The following ZDHHC1 variants were observed in gnomAD, a reference collection of about 807,000 sequenced individuals.
The protein encoded by ZDHHC1 is zDHHC palmitoyltransferase 1.
In ZDHHC1, 45 loss-of-function variants were observed where a neutral mutation model predicts 46.9. The ratio of observed to expected loss-of-function variants is 0.96; its 90% CI spans 0.76 to 1.23. ZDHHC1 has a LOEUF of 1.23. Ranked by LOEUF, ZDHHC1 falls within the 50% of genes most tolerant of loss-of-function variation. ZDHHC1 has a pLI of 0.00. For synonymous variants in ZDHHC1, 291 were observed against 286.0 expected (o/e 1.02, Z -0.18); for missense variants, 649 against 670.8 (o/e 0.97, Z 0.36).
At chr16:67,414,106 T>A (rs1459882687) in intron 1 of ZDHHC1, among the ~76,000 whole-genome samples, 1 of 151,920 alleles carries the variant, frequency 6.6e-6, no homozygotes, top group East Asian at 1.9e-4. Flanking sequence ...AGGGGACAAG[T>A]AGGAGGGAGT....
intron 3 of ZDHHC1, among the ~76,000 whole-genome samples, chr16:67,405,315 C>G (rs994478303): frequency 3.3e-5 from 5 of 152,212 alleles, no homozygotes; most frequent in Non-Finnish European, 7.3e-5. Context: ...GAGGCAAAGA[C>G]CCACAGAGCT....
chr16:67,400,563 C>A (rs1353081994), intron 4 of ZDHHC1, among the ~76,000 whole-genome samples: 1 of 152,228 alleles, frequency 6.6e-6, no homozygotes, highest in Non-Finnish European at 1.5e-5. Flanking sequence ...GCGCTGGGCT[C>A]TTCCTCCTCC....
intron 7 of ZDHHC1, 95 bp from the exon 8 acceptor site, chr16:67,398,419 TC>T: frequency 3.9e-6 from 6 of 1,521,482 alleles, no homozygotes; most frequent in South Asian, 1.2e-5. Context: ...GAAACCAGTG[TC>T]CCCAAATACA....
At chr16:67,403,185 C>G (rs1366293082) in intron 3 of ZDHHC1, among the ~76,000 whole-genome samples, 2 of 152,140 alleles carry the variant, frequency 1.3e-5, no homozygotes, top group Non-Finnish European at 2.9e-5. Context: ...AAGTGTGCCT[C>G]CAGCTCACGG....
chr16:67,409,071 G>A (rs766065351), intron 1 of ZDHHC1, among the ~76,000 whole-genome samples: 9 of 152,122 alleles, frequency 5.9e-5, no homozygotes, highest in Non-Finnish European at 1.0e-4. Flanking sequence ...CAAAACAGAC[G>A]CATGCAGCTG....
At chr16:67,395,902 T>G in intron 8 of ZDHHC1, 1 of 301,598 alleles carries the variant, frequency 3.3e-6, no homozygotes, top group Admixed American at 4.6e-5. Context: ...GCTCCTGGTG[T>G]CCCCAGGGAT....
At chr16:67,398,147 G>T in intron 8 of ZDHHC1, 65 bp downstream of exon 8, 3 of 1,516,764 alleles carry the variant, frequency 2.0e-6, no homozygotes, top group Non-Finnish European at 1.8e-6. Context: ...CTCCTCACTG[G>T]CTGCTCGCTG....
chr16:67,396,152 T>C (rs897997337), intron 8 of ZDHHC1: 1 of 153,826 alleles, frequency 6.5e-6, no homozygotes, highest in Non-Finnish European at 1.4e-5. Flanking sequence ...AGCACCAGGC[T>C]TATGGGCAAG....
intron 1 of ZDHHC1, among the ~76,000 whole-genome samples, chr16:67,412,950 G>A (rs572425082): frequency 7.2e-5 from 11 of 151,910 alleles, no homozygotes; most frequent in Admixed American, 3.9e-4. Context: ...ACAGGTGCCC[G>A]CCGCCACGCC....
At chr16:67,403,618 T>G (rs2040595222) in intron 3 of ZDHHC1, among the ~76,000 whole-genome samples, 1 of 151,572 alleles carries the variant, frequency 6.6e-6, no homozygotes, top group Non-Finnish European at 1.5e-5. Context: ...GTTTTTTGTT[T>G]TTTTTTTTTG....
At chr16:67,411,161 G>C (rs922189759) in intron 1 of ZDHHC1, among the ~76,000 whole-genome samples, 5 of 152,148 alleles carry the variant, frequency 3.3e-5, no homozygotes, top group African/African-American at 1.2e-4. Flanking sequence ...CCACACCAAG[G>C]TGAAAAGTAC....
chr16:67,398,144 C>T (rs950447604), intron 8 of ZDHHC1, 68 bp downstream of exon 8: 2 of 1,502,934 alleles, frequency 1.3e-6, no homozygotes, highest in Non-Finnish European at 1.8e-6. Flanking sequence ...TGTCTCCTCA[C>T]TGGCTGCTCG....
Position 67,398,685 on chromosome 16 carries a change from G to T in ZDHHC1, c.702C>A (p.Ala234=), listed in dbSNP as rs781241770. 1.1e-5 allele frequency: 17 copies of T among 1,608,682 alleles called. No individual in the cohort carries two copies. In the East Asian group the frequency reaches 3.4e-4, roughly 32 times the overall value. ...TDVWFVFLPA[A]PVETQAPAIL... is the part of the protein sequence containing the mutation. ...TGGCAGGGGCCTGGGTCTCCACGGG[G>T]GCGGCAGGCAGGAACACGAACCACA... is the stretch of plus-strand genomic sequence containing the variant. The change falls in exon 7 of 12, where the codon GCC becomes GCA. Residue 234 remains alanine, a synonymous_variant. Transcript: ENST00000565726.
Position 67,406,977 on chromosome 16 carries a change from G to A in ZDHHC1, c.10-535C>T, listed in dbSNP as rs2040673282. Among the ~76,000 whole-genome samples, 1 of 152,208 alleles carries A rather than the reference G, an allele frequency of 6.6e-6. No individual in the cohort carries two copies. Among genetic ancestry groups the A allele is most frequent in the South Asian group, 2.1e-4 (1 of 4,834 alleles). On this transcript the variant is annotated intron_variant, in intron 2 of 11. Transcript: ENST00000565726. This position sits in a 1 kb window ranked among gnomAD's most constrained non-coding sequence, Gnocchi z 4.1. ...AGAAAATCCCTTTAGGACTGGGGGAGTCTGAAGCTCTGCCCCATGCTGCCT... is the reference window on the plus strand; with the variant it reads ...AGAAAATCCCTTTAGGACTGGGGGAATCTGAAGCTCTGCCCCATGCTGCCT...
intron 4 of ZDHHC1, among the ~76,000 whole-genome samples, 172 bp from the exon 5 acceptor site, chr16:67,399,628 C>T (rs1483733004): frequency 6.6e-6 from 1 of 152,172 alleles, no homozygotes; most frequent in Non-Finnish European, 1.5e-5. Context: ...CGGGGTGGGT[C>T]CCCTGGAGGA....
chr16:67,394,931 G>A (rs1354609692), intron 11 of ZDHHC1, 38 bp from the exon 12 acceptor site: 2 of 1,556,584 alleles, frequency 1.3e-6, no homozygotes, highest in Non-Finnish European at 1.7e-6. Context: ...AGTGGCTGCG[G>A]CTCGCTTGTG....
At position 67,398,336 on chromosome 16, in the gene ZDHHC1, A is replaced by G; in HGVS notation, c.815-12T>C. The G allele has an allele frequency of 1.2e-6, 2 of 1,610,546 alleles. No individual in the cohort carries two copies. The highest frequency in any genetic ancestry group is 1.7e-6 in the Non-Finnish European group (2 of 1,178,248). On this transcript the variant is annotated splice_polypyrimidine_tract_variant and intron_variant, in intron 7 of 11. Coordinates refer to ENST00000565726, the MANE Select transcript of ZDHHC1 (RefSeq NM_001323627.2). ...GAGCTTGTGCCACACTGGTGGGGGG[A>G]GGAGAGGGCTCAGTGCGGTGGAAGG... is the stretch of plus-strand genomic sequence containing the variant.
Position 67,395,044 on chromosome 16 carries a change from C to G in ZDHHC1, c.1123G>C (p.Val375Leu). ...IRPQKKRKRR[V>L]YKVRTSETSD... ...GTCTCAGACGTTCGCACTTTATACA[C>G]GCGCCTCTTCCTCTTTTTCTGCAGA... The change falls in exon 11 of 12, where the codon GTG (valine) becomes CTG (leucine). Residue 375 changes from valine (V) to leucine (L), a missense_variant. Physicochemically the swap from Val to Leu is conservative, Grantham distance 32. Transcript: ENST00000565726. 1 of 1,613,096 alleles carries G rather than the reference C, an allele frequency of 6.2e-7. No homozygotes were observed. Among genetic ancestry groups the G allele is most frequent in the Admixed American group, 1.7e-5 (1 of 59,974 alleles).
At chr16:67,414,838 T>C (rs781111064) in intron 1 of ZDHHC1, among the ~76,000 whole-genome samples, 2 of 152,236 alleles carry the variant, frequency 1.3e-5, no homozygotes, top group Non-Finnish European at 2.9e-5. Flanking sequence ...ACCATGCTGC[T>C]CAGCAGCCAG....
Sources: allele counts gnomAD v4.1 joint callset (sites outside exome capture counted in the v4.1 genomes callset), GRCh38; gene constraint gnomAD v4.1.1; non-coding constraint Gnocchi (gnomAD v3.1); transcripts MANE v1.5; gene names NCBI Gene and HGNC (gene_info 2026-07-23, HGNC 2026-07-21).